Variants in SFMBT1 observed in about 807,000 individuals in gnomAD.
The protein encoded by SFMBT1 is Scm like with four mbt domains 1.
SFMBT1 carries 32 observed loss-of-function variants against 108.7 expected under a neutral mutation model. The observed-to-expected ratio is 0.29, with a 90% CI of 0.22 to 0.40. SFMBT1 has a LOEUF of 0.40. Among genes scored for constraint, SFMBT1 ranks in the 10% least tolerant of loss-of-function variants. The pLI is 1.00. For missense variants in SFMBT1, 816 were observed against 1,059.6 expected (o/e 0.77, Z 3.19); for synonymous variants, 348 against 369.5 (o/e 0.94, Z 0.67).
Position 52,907,144 on chromosome 3 carries a change from T to C in SFMBT1, c.2256A>G (p.Pro752=). ...TQSEISTSLP[P]DRQRRKRELR... ...GCTCCCTTTTTCTCCTTTGTCTATCTGGAGGCAGCGATGTGGATATCTCAC... is the reference window on the plus strand; with the variant it reads ...GCTCCCTTTTTCTCCTTTGTCTATCCGGAGGCAGCGATGTGGATATCTCAC... The change falls in exon 19 of 21, where the codon CCA becomes CCG. Residue 752 remains proline (P), a synonymous_variant. Transcript: ENST00000394752. 1.2e-6 allele frequency: 2 copies of C among 1,614,216 alleles called. No individual in the cohort carries two copies. Among genetic ancestry groups the C allele is most frequent in the Non-Finnish European group, 1.7e-6 (2 of 1,180,026 alleles).
At chr3:52,979,732 T>C (rs1360968443) in intron 1 of SFMBT1, among the ~76,000 whole-genome samples, 4 of 152,224 alleles carry the variant, frequency 2.6e-5, no homozygotes, top group Non-Finnish European at 5.9e-5. Context: ...GAATCAATAG[T>C]AGTGATACTA....
chr3:53,012,697 C>T (rs764317801), intron 1 of SFMBT1, among the ~76,000 whole-genome samples: 1 of 151,668 alleles, frequency 6.6e-6, no homozygotes, highest in Non-Finnish European at 1.5e-5. Flanking sequence ...CCACCGCGCC[C>T]GGCCGAGTGC....
Position 52,943,447 on chromosome 3 carries a change from A to T in SFMBT1, c.270T>A (p.Asp90Glu), listed in dbSNP as rs1703254751. 1.9e-6 allele frequency: 3 copies of T among 1,614,066 alleles called. No homozygotes were observed. In the African/African-American group the frequency reaches 4.0e-5, roughly 22 times the overall value. ...TGTCACACCAGAAATCTGCTCTCCG[A>T]TCCTCCCCATAGCCATCATAGCGGA... ...LLLRYDGYGE[D>E]RRADFWCDIR... The change falls in exon 4 of 21, where the codon GAT (aspartate) becomes GAA (glutamate). Residue 90 changes from aspartate to glutamate, a missense_variant. Physicochemically the swap from Asp to Glu is conservative, Grantham distance 45. This residue lies in a region of SFMBT1 where 495 missense variants were observed against 607.4 expected (regional missense o/e 0.81). Transcript: ENST00000394752.
chr3:52,924,934 T>C (rs1453315201), intron 10 of SFMBT1, among the ~76,000 whole-genome samples: 1 of 152,150 alleles, frequency 6.6e-6, no homozygotes, highest in Admixed American at 6.5e-5. Context: ...CATAAAATAC[T>C]GCAGTGCCAG....
At chr3:52,924,399 C>A (rs1473555244) in intron 10 of SFMBT1, among the ~76,000 whole-genome samples, 1 of 151,942 alleles carries the variant, frequency 6.6e-6, no homozygotes, top group Non-Finnish European at 1.5e-5. Flanking sequence ...CCCAGCACTA[C>A]GGGAGGCTGA....
chr3:53,027,711 A>G (rs575344544), intron 1 of SFMBT1, among the ~76,000 whole-genome samples: 1 of 152,336 alleles, frequency 6.6e-6, no homozygotes, highest in South Asian at 2.1e-4. Flanking sequence ...CATGGATGGA[A>G]GAATGAGAAA....
At chr3:52,986,591 T>G (rs1025200529) in intron 1 of SFMBT1, among the ~76,000 whole-genome samples, 10 of 150,466 alleles carry the variant, frequency 6.6e-5, no homozygotes, top group African/African-American at 2.4e-4. Flanking sequence ...CATGGCAAAA[T>G]CCCATCTCTA....
At chr3:53,026,532 A>T (rs1699497217) in intron 1 of SFMBT1, among the ~76,000 whole-genome samples, 1 of 120,706 alleles carries the variant, frequency 8.3e-6, no homozygotes, top group South Asian at 3.6e-4. Flanking sequence ...AGGCCCTTTA[A>T]GGATAGCTGG....
chr3:52,949,511 T>C (rs577058696), intron 3 of SFMBT1, among the ~76,000 whole-genome samples: 1 of 152,064 alleles, frequency 6.6e-6, no homozygotes, highest in South Asian at 2.1e-4. Flanking sequence ...GCATACATTT[T>C]AAGGACTGTT....
At chr3:52,986,983 T>C (rs140191671) in intron 1 of SFMBT1, among the ~76,000 whole-genome samples, 1 of 152,166 alleles carries the variant, frequency 6.6e-6, no homozygotes, top group Non-Finnish European at 1.5e-5. Flanking sequence ...CTATAACTTT[T>C]TTCTATTAAC....
At chr3:52,936,759 T>C (rs1559517723) in intron 4 of SFMBT1, among the ~76,000 whole-genome samples, 1 of 152,204 alleles carries the variant, frequency 6.6e-6, no homozygotes, top group Non-Finnish European at 1.5e-5. Context: ...CTAGAGTTAA[T>C]GCATTTCTTC....
At position 53,022,652 on chromosome 3, in the gene SFMBT1, C is replaced by G. The variant is rs139425809; in HGVS notation, c.-131+23164G>C. On this transcript the variant is annotated intron_variant, in intron 1 of 20. Coordinates refer to ENST00000394752, the MANE Select transcript of SFMBT1 (RefSeq NM_016329.4). ...TGATACTATGCTAAGTGAAATAAGC[C>G]AGTCAGTCACAAAAAGACAAATACA... 5.8e-4 allele frequency among the ~76,000 whole-genome samples: 88 copies of G among 152,126 alleles called. 1 individual carries two copies. The East Asian group carries it at 8.9e-3, about 15-fold the overall frequency.
At chr3:53,026,885 C>T (rs913109697) in intron 1 of SFMBT1, among the ~76,000 whole-genome samples, 2 of 152,156 alleles carry the variant, frequency 1.3e-5, no homozygotes, top group African/African-American at 4.8e-5. Context: ...ACTGCAGCCT[C>T]GACCTCCTGG....
At chr3:53,010,223 A>G (rs762857615) in intron 1 of SFMBT1, among the ~76,000 whole-genome samples, 4 of 152,260 alleles carry the variant, frequency 2.6e-5, no homozygotes, top group Non-Finnish European at 5.9e-5. Flanking sequence ...CAAACAAGCA[A>G]GTGAAACTTC....
At chr3:53,015,385 A>G (rs1321147552) in intron 1 of SFMBT1, among the ~76,000 whole-genome samples, 7 of 152,216 alleles carry the variant, frequency 4.6e-5, no homozygotes, top group Admixed American at 2.0e-4. Context: ...GTTCTTCAAA[A>G]AGTTAAACAT....
Position 52,936,087 on chromosome 3 carries a change from A to G in SFMBT1, c.365-1186T>C, listed in dbSNP as rs189584754. Among the ~76,000 whole-genome samples, 982 of 152,314 alleles carry G rather than the reference A, an allele frequency of 6.4e-3. 93 individuals carry two copies. The South Asian group carries it at 0.18, about 28-fold the overall frequency. ...GTGGAATAAGTTATACCCTTCCCTC[A>G]AGAGCATGAAGAGGCACATATGGTC... On this transcript the variant is annotated intron_variant, in intron 4 of 20. Transcript: ENST00000394752.
intron 2 of SFMBT1, among the ~76,000 whole-genome samples, chr3:52,963,333 A>G (rs1463714927): frequency 6.6e-6 from 1 of 152,150 alleles, no homozygotes; most frequent in Non-Finnish European, 1.5e-5. Flanking sequence ...TATACAATTT[A>G]GAAACAATTA....
At chr3:52,991,942 T>C (rs1240707993) in intron 1 of SFMBT1, among the ~76,000 whole-genome samples, 3 of 152,364 alleles carry the variant, frequency 2.0e-5, no homozygotes, top group African/African-American at 7.2e-5. Flanking sequence ...GCAGCACAAA[T>C]GACTAAAACA....
chr3:52,911,368 C>G (rs1702210479), intron 16 of SFMBT1, among the ~76,000 whole-genome samples, 190 bp from the exon 17 acceptor site: 1 of 152,200 alleles, frequency 6.6e-6, no homozygotes, highest in South Asian at 2.1e-4. Context: ...ATCTGGTAAG[C>G]TATGACAACT....
Sources: allele counts gnomAD v4.1 joint callset (sites outside exome capture counted in the v4.1 genomes callset), GRCh38; gene constraint gnomAD v4.1.1; regional missense constraint gnomAD v4.1.1; transcripts MANE v1.5; gene names NCBI Gene and HGNC (gene_info 2026-07-23, HGNC 2026-07-21).